The following KIAA1217 variants were observed in gnomAD, a reference collection of about 807,000 sequenced individuals.
KIAA1217 encodes the protein KIAA1217.
A neutral mutation model predicts 163.9 loss-of-function variants in KIAA1217; 88 were observed. That is an observed-to-expected ratio of 0.54 (90% confidence interval 0.45 to 0.64). The LOEUF (loss-of-function observed/expected upper bound fraction) is 0.64. KIAA1217 is among the 30% of genes least tolerant of loss of function. The probability of loss-of-function intolerance (pLI) is 0.00; values close to 1 mark genes in which losing one functional copy is unlikely to be tolerated. For synonymous variants in KIAA1217, 903 were observed against 923.1 expected (o/e 0.98, Z 0.39); for missense variants, 2,372 against 2,475.0 (o/e 0.96, Z 0.88).
At chr10:24,268,446 A>C (rs2076445046) in intron 2 of KIAA1217, among the ~76,000 whole-genome samples, 1 of 151,868 alleles carries the variant, frequency 6.6e-6, no homozygotes, top group Non-Finnish European at 1.5e-5. Flanking sequence ...CAGCCAAAAA[A>C]CACATGAAAA....
intron 6 of KIAA1217, among the ~76,000 whole-genome samples, chr10:24,476,073 G>T (rs142071227): frequency 2.0e-5 from 3 of 152,190 alleles, no homozygotes; most frequent in African/African-American, 4.8e-5. Flanking sequence ...TTTCCACCCC[G>T]GTTCTTGGAT....
intron 2 of KIAA1217, among the ~76,000 whole-genome samples, chr10:24,069,807 A>G (rs750367309): frequency 6.6e-6 from 1 of 152,130 alleles, no homozygotes; most frequent in Non-Finnish European, 1.5e-5. Flanking sequence ...TTACTCCAAG[A>G]TAAACTTTTA....
chr10:24,010,193 T>A (rs1180943279), intron 2 of KIAA1217, among the ~76,000 whole-genome samples: 1 of 151,362 alleles, frequency 6.6e-6, no homozygotes, highest in African/African-American at 2.4e-5. Flanking sequence ...TTAAAAAAAA[T>A]GACAGGGTAA....
At chr10:24,232,644 TC>T (rs1441771736) in intron 2 of KIAA1217, among the ~76,000 whole-genome samples, 1 of 152,110 alleles carries the variant, frequency 6.6e-6, no homozygotes, top group Non-Finnish European at 1.5e-5. Flanking sequence ...TGTGATTCAG[TC>T]CAGTGCATAG....
intron 9 of KIAA1217, among the ~76,000 whole-genome samples, chr10:24,507,678 G>A (rs965309016): frequency 2.0e-5 from 3 of 152,102 alleles, no homozygotes; most frequent in African/African-American, 7.2e-5. Flanking sequence ...AGTGGAAAGA[G>A]AAAAATATTC....
intron 1 of KIAA1217, among the ~76,000 whole-genome samples, chr10:23,765,573 C>G (rs1178619372): frequency 1.3e-5 from 2 of 152,058 alleles, no homozygotes; most frequent in Non-Finnish European, 2.9e-5. Context: ...ATTGTAATCC[C>G]TATATGTGGA....
chr10:23,949,997 T>A (rs2131352455), intron 1 of KIAA1217, among the ~76,000 whole-genome samples: 1 of 152,288 alleles, frequency 6.6e-6, no homozygotes, highest in East Asian at 1.9e-4. Flanking sequence ...AGGTAGATGA[T>A]TTTATCATCT....
chr10:24,059,550 C>T (rs975082680), intron 2 of KIAA1217, among the ~76,000 whole-genome samples: 1 of 151,976 alleles, frequency 6.6e-6, no homozygotes, highest in Non-Finnish European at 1.5e-5. Context: ...AATTTCCTTA[C>T]TAGTTATGTC....
chr10:23,761,676 A>C (rs1167548134), intron 1 of KIAA1217, among the ~76,000 whole-genome samples: 1 of 152,104 alleles, frequency 6.6e-6, no homozygotes, highest in African/African-American at 2.4e-5. Context: ...ACTTCCCACT[A>C]TATGGTCGAT....
intron 5 of KIAA1217, among the ~76,000 whole-genome samples, chr10:24,456,154 G>A (rs1280155701): frequency 1.3e-5 from 2 of 152,156 alleles, no homozygotes; most frequent in Non-Finnish European, 2.9e-5. Context: ...CCAAAGTGCT[G>A]GGACTACAGG....
At position 24,433,154 on chromosome 10, in the gene KIAA1217, A is replaced by G. The variant is rs1277772270; in HGVS notation, c.713A>G (p.Asp238Gly). 1.2e-6 allele frequency: 2 copies of G among 1,613,980 alleles called. No individual in the cohort carries two copies. Among genetic ancestry groups the G allele is most frequent in the African/African-American group, 2.7e-5 (2 of 74,936 alleles). Residue 238 changes from aspartate (D) to glycine (G), a missense_variant, in exon 4 of 21, where the codon GAT becomes GGT. Coordinates refer to ENST00000376454, the MANE Select transcript of KIAA1217 (RefSeq NM_019590.5). ...CCCAGTGTCGCCATTTACATCAAAG[A>G]TGAAAGCAGAAATGTCTATTATGAA... is the stretch of plus-strand genomic sequence containing the variant. ...ESPSVAIYIK[D>G]ESRNVYYELN...
intron 2 of KIAA1217, among the ~76,000 whole-genome samples, chr10:24,288,942 C>T (rs1370700752): frequency 6.6e-6 from 1 of 152,066 alleles, no homozygotes; most frequent in Non-Finnish European, 1.5e-5. Context: ...GTTTGAGTTC[C>T]ATCTTATGAA....
chr10:23,978,661 C>A (rs1832309), intron 1 of KIAA1217, among the ~76,000 whole-genome samples: 61,368 of 151,812 alleles, frequency 0.4, 16,163 homozygotes, highest in African/African-American at 0.75. Context: ...ATATATAATA[C>A]CCTATACACA....
At chr10:24,509,357 G>A (rs796135637) in intron 9 of KIAA1217, among the ~76,000 whole-genome samples, 3 of 152,286 alleles carry the variant, frequency 2.0e-5, no homozygotes, top group African/African-American at 7.2e-5. Context: ...CAGCCGGTGA[G>A]CTATGACAGC....
At chr10:24,036,329 C>T (rs948881408) in intron 2 of KIAA1217, among the ~76,000 whole-genome samples, 10 of 152,106 alleles carry the variant, frequency 6.6e-5, no homozygotes, top group South Asian at 2.1e-4. Flanking sequence ...CATCCAGTCA[C>T]GAAACTAAAT....
chr10:24,218,270 T>C (rs35961871), intron 1 of KIAA1217, among the ~76,000 whole-genome samples: 1,998 of 152,232 alleles, frequency 0.013, 19 homozygotes, highest in Non-Finnish European at 0.022. Context: ...GAGATTCCCT[T>C]TACATGCTCC....
intron 5 of KIAA1217, chr10:24,466,724 T>C: frequency 1.0e-6 from 1 of 985,462 alleles, no homozygotes; most frequent in South Asian, 4.7e-5. Context: ...AGGAATCATG[T>C]AATCAGGACC....
At chr10:23,716,762 C>CA (rs1271655226) in intron 1 of KIAA1217, among the ~76,000 whole-genome samples, 2 of 151,952 alleles carry the variant, frequency 1.3e-5, no homozygotes, top group Non-Finnish European at 2.9e-5. Context: ...CATGTAACAA[C>CA]AAAAAAACAT....
At chr10:24,422,939 C>T (rs1011949251) in intron 3 of KIAA1217, among the ~76,000 whole-genome samples, 4 of 126,262 alleles carry the variant, frequency 3.2e-5, no homozygotes, top group Non-Finnish European at 5.2e-5. Context: ...GAGTCTCGCT[C>T]TATTGCCCAG....
Sources: allele counts gnomAD v4.1 joint callset (sites outside exome capture counted in the v4.1 genomes callset), GRCh38; gene constraint gnomAD v4.1.1; transcripts MANE v1.5; gene names NCBI Gene and HGNC (gene_info 2026-07-23, HGNC 2026-07-21).